Variants in KCNQ1 observed in about 807,000 individuals in gnomAD.
KCNQ1 encodes potassium voltage-gated channel subfamily Q member 1.
In KCNQ1, 49 loss-of-function variants were observed where a neutral mutation model predicts 72.4. The observed-to-expected ratio is 0.68, with a 90% confidence interval of 0.54 to 0.86. The LOEUF (loss-of-function observed/expected upper bound fraction) is 0.86. KCNQ1 is among the 40% of genes least tolerant of loss of function. The pLI, the probability that KCNQ1 is intolerant of heterozygous loss-of-function variation, is 0.00. For missense variants in KCNQ1, 790 were observed against 945.1 expected (o/e 0.84, Z 2.15); for synonymous variants, 450 against 412.6 (o/e 1.09, Z -1.10).
Position 2,677,447 on chromosome 11 carries a change from G to A in KCNQ1, c.1514+15366G>A. On this transcript the variant is annotated intron_variant, in intron 11 of 15. Coordinates refer to ENST00000155840, the MANE Select transcript of KCNQ1 (RefSeq NM_000218.3). The surrounding 1 kb of genome is among the most constrained non-coding windows in gnomAD (Gnocchi z 4.5). ...GCAGGGGAGATGATAATTGATGCAG[G>A]TGGCCTCTTGGTCAAGCAGTGAAAC... 2.5e-6 allele frequency: 1 copy of A among 398,506 alleles called. No individual in the cohort carries two copies. Among genetic ancestry groups the A allele is most frequent in the Admixed American group, 4.4e-5 (1 of 22,728 alleles). 24.7% of individuals were successfully genotyped at this position (398,506 alleles called of 1,614,324 possible).
rs114927966 is a variant in KCNQ1 at position 2,569,334 on chromosome 11, T to C, written c.478-1294T>C. Among the ~76,000 whole-genome samples, 620 of 152,358 alleles carry C rather than the reference T, an allele frequency of 4.1e-3. 1 individual carries two copies. Among genetic ancestry groups the C allele is most frequent in the African/African-American group, 0.013 (555 of 41,580 alleles). On this transcript the variant is annotated intron_variant, in intron 2 of 15. Transcript: ENST00000155840. ...CTCCCAGCGTGTCTCCCCTTATCCA[T>C]TGGGCTTGTCCCAAACACATGCCGG...
intron 15 of KCNQ1, among the ~76,000 whole-genome samples, chr11:2,822,744 A>C (rs1590111217): frequency 6.6e-6 from 1 of 152,200 alleles, no homozygotes; most frequent in African/African-American, 2.4e-5. Context: ...AGTCCTTGGC[A>C]GGGGCTCAGC....
Position 2,549,266 on chromosome 11 carries a change from A to T in KCNQ1, c.477+21248A>T, listed in dbSNP as rs1169477514. Among the ~76,000 whole-genome samples the T allele has an allele frequency of 1.3e-5, 2 of 152,114 alleles. No individual in the cohort carries two copies. The highest frequency in any genetic ancestry group is 4.8e-5 in the African/African-American group (2 of 41,432). On this transcript the variant is annotated intron_variant, in intron 2 of 15. Transcript: ENST00000155840. This position sits in a 1 kb window ranked among gnomAD's most constrained non-coding sequence, Gnocchi z 6.2. ...CCACCAGGAGCCCACTGGTGCCAGGATGCTGGGGTGGGGCTATGGGGAAGG... is the reference window on the plus strand; with the variant it reads ...CCACCAGGAGCCCACTGGTGCCAGGTTGCTGGGGTGGGGCTATGGGGAAGG...
intron 1 of KCNQ1, among the ~76,000 whole-genome samples, chr11:2,504,526 C>T (rs1847069378): frequency 6.6e-6 from 1 of 152,178 alleles, no homozygotes; most frequent in Admixed American, 6.5e-5. Flanking sequence ...GAGGCCGAGT[C>T]ATATGACTCA....
In KCNQ1 at chr11:2,620,550, A is replaced by G. The variant is rs1274201151; in HGVS notation, c.1393+31696A>G. 1 of 396,080 alleles carries G rather than the reference A, an allele frequency of 2.5e-6. No homozygotes were observed. The highest frequency in any genetic ancestry group is 4.4e-6 in the Non-Finnish European group (1 of 225,098). The allele number at this position is 396,080 out of a possible 1,614,324, so 24.5% of individuals were successfully genotyped here. Reference sequence around the variant, plus strand: ...CATTTTTATGGCTGCATAGTATTCCATGGTGTACATGTACCACATTTTCTT... The same window carrying G: ...CATTTTTATGGCTGCATAGTATTCCGTGGTGTACATGTACCACATTTTCTT... On this transcript the variant is annotated intron_variant, in intron 10 of 15. Coordinates refer to ENST00000155840, the MANE Select transcript of KCNQ1 (RefSeq NM_000218.3). The surrounding 1 kb of genome is among the most constrained non-coding windows in gnomAD (Gnocchi z 4.5).
chr11:2,643,607 CAGTCTGTCTTTTA>C, intron 10 of KCNQ1: 1 of 398,436 alleles, frequency 2.5e-6, no homozygotes, highest in Admixed American at 4.4e-5. Flanking sequence ...TCCATTCAGC[CAGTCTGTCTTTTA>C]AGTAGAAAGT....
chr11:2,658,015 T>C lies in KCNQ1; in HGVS notation c.1394-3946T>C. On this transcript the variant is annotated intron_variant, in intron 10 of 15. Coordinates refer to ENST00000155840, the MANE Select transcript of KCNQ1 (RefSeq NM_000218.3). This position sits in a 1 kb window ranked among gnomAD's most constrained non-coding sequence, Gnocchi z 4.9. ...GTAAGTGAATAGCTGTTTTTCCCTT[T>C]CCATAGCTTAGTCTTTAGAAGCGAG... 2.5e-6 allele frequency: 1 copy of C among 398,570 alleles called. No individual in the cohort carries two copies. The highest frequency in any genetic ancestry group is 4.4e-6 in the Non-Finnish European group (1 of 226,050). The allele number at this position is 398,570 out of a possible 1,614,324, so 24.7% of individuals were successfully genotyped here. A position where few individuals can be genotyped will look rare whatever the true frequency, so the allele number is the denominator to read the frequency against.
chr11:2,502,115 C>T (rs1847025313), intron 1 of KCNQ1, among the ~76,000 whole-genome samples: 1 of 152,162 alleles, frequency 6.6e-6, no homozygotes, highest in Non-Finnish European at 1.5e-5. Flanking sequence ...AACTGAAGGC[C>T]TTTCCTCTAA....
At position 2,541,989 on chromosome 11, in the gene KCNQ1, G is replaced by T. The variant is rs1589940119; in HGVS notation, c.477+13971G>T. Among the ~76,000 whole-genome samples the T allele has an allele frequency of 6.6e-6, 1 of 152,296 alleles. No individual in the cohort carries two copies. The highest frequency in any genetic ancestry group is 1.5e-5 in the Non-Finnish European group (1 of 68,032). ...CGTGGGGTCCCCTGGCTTGGGGTGG[G>T]CCTCAGAGGCTGTCGCCGTGCCTGC... On this transcript the variant is annotated intron_variant, in intron 2 of 15. Transcript: ENST00000155840. The surrounding 1 kb of genome is among the most constrained non-coding windows in gnomAD (Gnocchi z 4.8).
intron 11 of KCNQ1, among the ~76,000 whole-genome samples, chr11:2,708,021 T>G (rs1850940283): frequency 6.6e-6 from 1 of 152,148 alleles, no homozygotes; most frequent in African/African-American, 2.4e-5. Context: ...GCAGCCAACC[T>G]CCCAAAGCAC....
At chr11:2,619,914 T>A in intron 10 of KCNQ1, 1 of 398,420 alleles carries the variant, frequency 2.5e-6, no homozygotes, top group Non-Finnish European at 4.4e-6. Context: ...TTGCATGGTA[T>A]ATGGAGTATA....
intron 10 of KCNQ1, chr11:2,648,861 T>C (rs1245271333): frequency 1.0e-5 from 4 of 398,362 alleles, no homozygotes; most frequent in Non-Finnish European, 1.3e-5. Flanking sequence ...ACTAATAATA[T>C]TTGTTTAATA....
chr11:2,480,818 A>AT (rs1846639626), intron 1 of KCNQ1, among the ~76,000 whole-genome samples: 1 of 118,602 alleles, frequency 8.4e-6, no homozygotes, highest in Non-Finnish European at 2.2e-5. Flanking sequence ...GAACACCCTT[A>AT]TTCCTAAGAA....
chr11:2,529,056 G>A (rs1847564146), intron 2 of KCNQ1, among the ~76,000 whole-genome samples: 1 of 152,168 alleles, frequency 6.6e-6, no homozygotes, highest in South Asian at 2.1e-4. Flanking sequence ...GTGGTGTGAG[G>A]CACAGGCCTG....
At position 2,809,244 on chromosome 11, in the gene KCNQ1, T is replaced by C. The variant is rs1490557995; in HGVS notation, c.1794+31207T>C. On this transcript the variant is annotated intron_variant, in intron 15 of 15. Coordinates refer to ENST00000155840, the MANE Select transcript of KCNQ1 (RefSeq NM_000218.3). This position sits in a 1 kb window ranked among gnomAD's most constrained non-coding sequence, Gnocchi z 7.1. ...AAGTAAAACAGAAGGAATTGCTGAA[T>C]TCAGATAAATGTTTCTTCACCAAAA... 6.6e-6 allele frequency among the ~76,000 whole-genome samples: 1 copy of C among 152,192 alleles called. No individual in the cohort carries two copies. The highest frequency in any genetic ancestry group is 1.5e-5 in the Non-Finnish European group (1 of 68,036).
chr11:2,828,017 C>A lies in KCNQ1; in HGVS notation c.1795-19750C>A, dbSNP rs1484816108. On this transcript the variant is annotated intron_variant, in intron 15 of 15. Coordinates refer to ENST00000155840, the MANE Select transcript of KCNQ1 (RefSeq NM_000218.3). The surrounding 1 kb of genome is among the most constrained non-coding windows in gnomAD (Gnocchi z 5.3). ...TCTTGAAAGCTCGAATGTGGGGAGG[C>A]CAGCAACAGAGGGAACACTACCTGC... Among the ~76,000 whole-genome samples the A allele has an allele frequency of 3.3e-5, 5 of 152,116 alleles. No individual in the cohort carries two copies. The highest frequency in any genetic ancestry group is 2.0e-4 in the Admixed American group (3 of 15,276).
intron 15 of KCNQ1, among the ~76,000 whole-genome samples, chr11:2,829,269 ACAGTG>A (rs1847897276): frequency 6.6e-6 from 1 of 152,214 alleles, no homozygotes; most frequent in Non-Finnish European, 1.5e-5. Flanking sequence ...CAGCATGCCT[ACAGTG>A]CAAACAGTCC....
chr11:2,662,642 G>A (rs1194561693), intron 11 of KCNQ1: 1 of 408,702 alleles, frequency 2.4e-6, no homozygotes, highest in African/African-American at 2.0e-5. Flanking sequence ...CCCGGCCACG[G>A]TGTGATTCCC....
chr11:2,564,560 A>C lies in KCNQ1; in HGVS notation c.478-6068A>C, dbSNP rs936903905. Among the ~76,000 whole-genome samples, 1 of 152,164 alleles carries C rather than the reference A, an allele frequency of 6.6e-6. No homozygotes were observed. Among genetic ancestry groups the C allele is most frequent in the Non-Finnish European group, 1.5e-5 (1 of 68,038 alleles). Reference sequence around the variant, plus strand: ...CAGTGAGCTGAGATGGTGCCACTGCACTCCTGCCTGGGCAACAGAGCAAGA... The same window carrying C: ...CAGTGAGCTGAGATGGTGCCACTGCCCTCCTGCCTGGGCAACAGAGCAAGA... On this transcript the variant is annotated intron_variant, in intron 2 of 15. Coordinates refer to ENST00000155840, the MANE Select transcript of KCNQ1 (RefSeq NM_000218.3). The surrounding 1 kb of genome is among the most constrained non-coding windows in gnomAD (Gnocchi z 4.5).
Sources: gnomAD v4.1 joint callset for allele counts (sites outside exome capture counted in the v4.1 genomes callset) on GRCh38, gnomAD v4.1.1 for gene constraint, Gnocchi (gnomAD v3.1) non-coding constraint, MANE v1.5 for transcripts, NCBI Gene and HGNC (gene_info 2026-07-23, HGNC 2026-07-21) for gene names.